The following NLGN4X variants were observed in gnomAD, a reference collection of about 807,000 sequenced individuals.
The protein encoded by NLGN4X is neuroligin 4 X-linked.
Under a neutral mutation model 40.3 loss-of-function variants are expected in NLGN4X, and 3 were observed. The observed-to-expected ratio is 0.07, with a 90% CI of 0.03 to 0.19. NLGN4X has a LOEUF of 0.19. Ranked by LOEUF, NLGN4X falls within the 10% of genes least tolerant of loss-of-function variation. The pLI, the probability that NLGN4X is intolerant of heterozygous loss-of-function variation, is 1.00. For missense variants in NLGN4X, 382 were observed against 708.3 expected (o/e 0.54, Z 5.23); for synonymous variants, 270 against 306.8 (o/e 0.88, Z 1.25).
intron 3 of NLGN4X, among the ~76,000 whole-genome samples, chrX:6,002,968 A>T (rs1164260716): frequency 9.0e-6 from 1 of 111,708 alleles, no homozygotes; most frequent in Non-Finnish European, 1.9e-5. Context: ...TCCCGTTTTC[A>T]GTTCCCCTTC....
intron 1 of NLGN4X, among the ~76,000 whole-genome samples, chrX:6,173,720 T>G (rs141962047): frequency 8.9e-6 from 1 of 111,999 alleles, no homozygotes; most frequent in Admixed American, 9.5e-5. Flanking sequence ...CACAGTTAGT[T>G]GAACCTTAGC....
At chrX:5,988,689 T>C (rs745778855) in intron 3 of NLGN4X, among the ~76,000 whole-genome samples, 1 of 112,648 alleles carries the variant, frequency 8.9e-6, no homozygotes, top group East Asian at 2.8e-4. Flanking sequence ...AGGAATGACA[T>C]CCTTCATGGC....
intron 2 of NLGN4X, among the ~76,000 whole-genome samples, chrX:6,049,244 G>T (rs1324407256): frequency 1.6e-3 from 15 of 9,454 alleles, no homozygotes; most frequent in African/African-American, 3.9e-3. Context: ...GGGGAGGGGA[G>T]GGGAGGGGAG....
At chrX:5,909,368 T>A in intron 3 of NLGN4X, 129 bp from the exon 4 acceptor site, 1 of 791,837 alleles carries the variant, frequency 1.3e-6, no homozygotes, top group Non-Finnish European at 1.8e-6. Context: ...CCCCCACCAA[T>A]TAGAGGAAGA....
intron 2 of NLGN4X, among the ~76,000 whole-genome samples, chrX:6,042,110 T>A (rs145655753): frequency 0.063 from 7,007 of 112,050 alleles, 462 homozygotes; most frequent in African/African-American, 0.2. Flanking sequence ...AATTTTCTAC[T>A]AGCTCAAAAA....
chrX:5,906,978 G>A (rs922556758), intron 4 of NLGN4X, among the ~76,000 whole-genome samples: 13 of 110,618 alleles, frequency 1.2e-4, no homozygotes, highest in Non-Finnish European at 2.5e-4. Context: ...AACTCGGGAG[G>A]CTGAGGCAGG....
intron 2 of NLGN4X, among the ~76,000 whole-genome samples, chrX:6,054,150 T>C (rs755444720): frequency 1.1e-3 from 119 of 112,260 alleles, no homozygotes; most frequent in African/African-American, 3.6e-3. Context: ...TTTTTATTTA[T>C]TTTTGTCCCC....
At chrX:5,963,281 G>A (rs773939354) in intron 3 of NLGN4X, among the ~76,000 whole-genome samples, 1 of 111,366 alleles carries the variant, frequency 9.0e-6, no homozygotes, top group East Asian at 2.9e-4. Flanking sequence ...TGAGCTGTCA[G>A]AGGCAAATGA....
At chrX:5,935,969 A>G (rs920671817) in intron 3 of NLGN4X, among the ~76,000 whole-genome samples, 1 of 112,129 alleles carries the variant, frequency 8.9e-6, no homozygotes, top group Admixed American at 9.5e-5. Flanking sequence ...GATTCACAAA[A>G]GTGGTTATCC....
In NLGN4X at chrX:5,932,787, T is replaced by C. The variant is rs567570249; in HGVS notation, c.626-23548A>G. Among the ~76,000 whole-genome samples, 7 of 109,550 alleles carry C rather than the reference T, an allele frequency of 6.4e-5. No homozygotes were observed. The South Asian group carries it at 2.3e-3, about 36-fold the overall frequency. ...CTTTGTTAGAGATACCAGGATCAGG[T>C]AACAGAAAGAGAAAAAAAAATACAG... On this transcript the variant is annotated intron_variant, in intron 3 of 5. Coordinates refer to ENST00000381095, the MANE Select transcript of NLGN4X (RefSeq NM_181332.3).
intron 2 of NLGN4X, among the ~76,000 whole-genome samples, chrX:6,106,729 T>C (rs953938716): frequency 1.8e-5 from 2 of 112,282 alleles, no homozygotes; most frequent in South Asian, 3.7e-4. Context: ...CTTTATAGCA[T>C]GGAATAATAT....
intron 1 of NLGN4X, among the ~76,000 whole-genome samples, chrX:6,214,693 G>A (rs1282432455): frequency 4.5e-5 from 5 of 111,057 alleles, no homozygotes; most frequent in Non-Finnish European, 9.4e-5. Flanking sequence ...CCAGGCGTTC[G>A]AGACCAGCCT....
chrX:5,979,186 T>C (rs1601992429), intron 3 of NLGN4X, among the ~76,000 whole-genome samples: 1 of 111,186 alleles, frequency 9.0e-6, no homozygotes, highest in East Asian at 2.8e-4. Context: ...AGAATTACGG[T>C]CTCTTCATTG....
At chrX:5,925,845 C>T (rs7056562) in intron 3 of NLGN4X, among the ~76,000 whole-genome samples, 12 of 36,422 alleles carry the variant, frequency 3.3e-4, no homozygotes, top group South Asian at 1.2e-3. Flanking sequence ...TATATATATA[C>T]ATACACATAT....
intron 2 of NLGN4X, among the ~76,000 whole-genome samples, chrX:6,122,525 C>T (rs760677944): frequency 5.4e-5 from 6 of 110,578 alleles, no homozygotes; most frequent in East Asian, 2.9e-4. Flanking sequence ...TGAGCCACCG[C>T]GCCAGGCAGA....
chrX:6,170,135 T>G (rs2040575890), intron 1 of NLGN4X, among the ~76,000 whole-genome samples: 1 of 110,469 alleles, frequency 9.1e-6, no homozygotes, highest in African/African-American at 3.3e-5. Flanking sequence ...GTCTCCTGAA[T>G]AGCTGGGAAC....
At chrX:5,911,329 G>A (rs2032467653) in intron 3 of NLGN4X, among the ~76,000 whole-genome samples, 3 of 111,949 alleles carry the variant, frequency 2.7e-5, no homozygotes, top group Admixed American at 9.5e-5. Context: ...CAACACGCAG[G>A]AAATCATTGG....
In NLGN4X at chrX:5,891,326, T is replaced by A; in HGVS notation, c.*1491A>T. 1 of 227,699 alleles carries A rather than the reference T, an allele frequency of 4.4e-6. No homozygotes were observed. The highest frequency in any genetic ancestry group is 5.4e-5 in the South Asian group (1 of 18,610). 18.8% of individuals were successfully genotyped at this position (227,699 alleles called of 1,213,427 possible). On this transcript the variant is annotated 3_prime_UTR_variant, in exon 6 of 6. Transcript: ENST00000381095. ...TTTCTTCCCCCATTCTTCTATAATA[T>A]TCACCGTTTGGTGACCGGATACACA...
rs1926588921 is a variant in NLGN4X at position 6,228,710 on chromosome X, C to G, written c.-475G>C. On this transcript the variant is annotated 5_prime_UTR_variant, in exon 1 of 6. Transcript: ENST00000381095. The stretch of plus-strand genomic sequence containing the variant: ...TCCTCATCCAGAGGAATGCAAGAGC[C>G]ACCAACACCGCCTAGTTTGGAGGAA... 2 of 111,685 alleles carry G rather than the reference C, an allele frequency of 1.8e-5. No homozygotes were observed. Among genetic ancestry groups the G allele is most frequent in the Non-Finnish European group, 3.8e-5 (2 of 53,210 alleles). The allele number at this position is 111,685 out of a possible 1,213,427, so 9.2% of individuals were successfully genotyped here. A position where few individuals can be genotyped will look rare whatever the true frequency, so the allele number is the denominator to read the frequency against.
Sources: allele counts gnomAD v4.1 joint callset (sites outside exome capture counted in the v4.1 genomes callset), GRCh38; gene constraint gnomAD v4.1.1; transcripts MANE v1.5; gene names NCBI Gene and HGNC (gene_info 2026-07-23, HGNC 2026-07-21).